The following SNX29 variants were observed in gnomAD, a reference collection of about 807,000 sequenced individuals.
SNX29 encodes the protein sorting nexin 29.
A neutral mutation model predicts 102.1 loss-of-function variants in SNX29; 78 were observed. The ratio of observed to expected loss-of-function variants is 0.76; its 90% CI spans 0.64 to 0.92. The LOEUF (loss-of-function observed/expected upper bound fraction) is 0.92. SNX29 is among the 40% of genes least tolerant of loss of function. The probability of loss-of-function intolerance (pLI) is 0.00; values close to 1 mark genes in which losing one functional copy is unlikely to be tolerated. For synonymous variants in SNX29, 580 were observed against 414.5 expected (o/e 1.40, Z -4.85); for missense variants, 1,280 against 1,061.7 (o/e 1.21, Z -2.86).
intron 15 of SNX29, among the ~76,000 whole-genome samples, chr16:12,343,407 G>T (rs2081674132): frequency 6.6e-6 from 1 of 152,222 alleles, no homozygotes; most frequent in Non-Finnish European, 1.5e-5. Context: ...CCCTGTGCCA[G>T]GCTGGCTGCT....
chr16:12,497,402 AG>A (rs2088884520), intron 19 of SNX29, among the ~76,000 whole-genome samples: 1 of 152,124 alleles, frequency 6.6e-6, no homozygotes, highest in Non-Finnish European at 1.5e-5. Context: ...AGTGCTATGG[AG>A]GAGGTTAAAT....
chr16:12,128,871 C>T (rs2054334991), intron 12 of SNX29, among the ~76,000 whole-genome samples: 1 of 152,178 alleles, frequency 6.6e-6, no homozygotes, highest in African/African-American at 2.4e-5. Flanking sequence ...AAATGGTTAG[C>T]AGCACCATGG....
intron 4 of SNX29, among the ~76,000 whole-genome samples, chr16:12,041,645 A>C (rs1596669830): frequency 6.6e-6 from 1 of 152,042 alleles, no homozygotes; most frequent in East Asian, 1.9e-4. Flanking sequence ...TGGCTGCCCC[A>C]TTCTAGTCTT....
rs16953061 is a variant in SNX29 at position 12,321,349 on chromosome 16, C to T, written c.1783-34814C>T. On this transcript the variant is annotated intron_variant, in intron 15 of 20. Transcript: ENST00000566228. Reference sequence around the variant, plus strand: ...TCCTGGAGGAATGACTTCCCAAACCCAGTCCGACCTAGCTAGAGAAAAACA... The same window carrying T: ...TCCTGGAGGAATGACTTCCCAAACCTAGTCCGACCTAGCTAGAGAAAAACA... Among the ~76,000 whole-genome samples the T allele has an allele frequency of 7.6e-4, 116 of 152,316 alleles. 2 individuals carry two copies. The East Asian group carries it at 0.021, about 28-fold the overall frequency.
chr16:12,457,844 G>T lies in SNX29; in HGVS notation c.2038-19875G>T, dbSNP rs146295425. Reference sequence around the variant, plus strand: ...ACATTGGGTAAATTAACTGTATTACGATGTTTGTGGTCTGCATACGGGTGC... The same window carrying T: ...ACATTGGGTAAATTAACTGTATTACTATGTTTGTGGTCTGCATACGGGTGC... On this transcript the variant is annotated intron_variant, in intron 18 of 20. Coordinates refer to ENST00000566228, the MANE Select transcript of SNX29 (RefSeq NM_032167.5). 6.0e-3 allele frequency among the ~76,000 whole-genome samples: 919 copies of T among 152,296 alleles called. 16 individuals are homozygous for T. The highest frequency in any genetic ancestry group is 0.022 in the African/African-American group (905 of 41,564).
chr16:12,310,576 G>A (rs2080505678), intron 15 of SNX29, among the ~76,000 whole-genome samples: 1 of 152,132 alleles, frequency 6.6e-6, no homozygotes. Flanking sequence ...AGAAAACTCT[G>A]GAAAATGCAA....
intron 18 of SNX29, chr16:12,443,057 G>A (rs765544086): frequency 1.1e-5 from 5 of 455,806 alleles, no homozygotes; most frequent in Non-Finnish European, 2.2e-5. Flanking sequence ...CAGCAGGCCA[G>A]GCGTCCAGCC....
chr16:12,089,112 GAGAGAGAGAGAGAAA>G (rs2052368491), intron 11 of SNX29, among the ~76,000 whole-genome samples: 2 of 89,522 alleles, frequency 2.2e-5, no homozygotes, highest in Admixed American at 2.5e-4. Context: ...AGAGAGGAGA[GAGAGAGAGAGAGAAA>G]AGAGAGAGAG....
At chr16:12,457,519 A>G (rs893421093) in intron 18 of SNX29, among the ~76,000 whole-genome samples, 20 of 152,262 alleles carry the variant, frequency 1.3e-4, no homozygotes, top group African/African-American at 4.3e-4. Context: ...CTCTTTCTCT[A>G]CTGCTTCAGG....
At chr16:12,508,600 T>G (rs1208840413) in intron 19 of SNX29, among the ~76,000 whole-genome samples, 1 of 152,238 alleles carries the variant, frequency 6.6e-6, no homozygotes, top group Admixed American at 6.5e-5. Flanking sequence ...CCCTGCGAGC[T>G]CCTGCTCTCA....
chr16:12,002,587 C>T (rs1379724465), intron 2 of SNX29, among the ~76,000 whole-genome samples: 6 of 152,294 alleles, frequency 3.9e-5, no homozygotes, highest in African/African-American at 9.6e-5. Flanking sequence ...CTCTGGGGCT[C>T]GTCCAAAGGG....
chr16:12,377,562 C>G (rs1411288906), intron 16 of SNX29, among the ~76,000 whole-genome samples: 1 of 152,180 alleles, frequency 6.6e-6, no homozygotes, highest in African/African-American at 2.4e-5. Flanking sequence ...TGTGAGCGGT[C>G]TTGATCACTC....
At chr16:12,219,068 C>A (rs2077405094) in intron 14 of SNX29, among the ~76,000 whole-genome samples, 2 of 152,186 alleles carry the variant, frequency 1.3e-5, no homozygotes, top group African/African-American at 4.8e-5. Flanking sequence ...GCCACCGCGC[C>A]TGGCCCTGTT....
chr16:12,532,405 A>C (rs1404258195), intron 20 of SNX29, among the ~76,000 whole-genome samples: 1 of 152,184 alleles, frequency 6.6e-6, no homozygotes, highest in African/African-American at 2.4e-5. Context: ...CAGCGTTTGT[A>C]TATTCATTCT....
chr16:12,274,128 G>C (rs2079173118), intron 14 of SNX29, among the ~76,000 whole-genome samples: 2 of 152,172 alleles, frequency 1.3e-5, no homozygotes, highest in Non-Finnish European at 2.9e-5. Context: ...TAAAGTTTCT[G>C]CACGGTCACA....
intron 11 of SNX29, among the ~76,000 whole-genome samples, chr16:12,080,077 A>G (rs1440096204): frequency 6.6e-6 from 1 of 152,178 alleles, no homozygotes; most frequent in Non-Finnish European, 1.5e-5. Context: ...TTATTCCTAG[A>G]TTACAAAATG....
chr16:12,030,498 C>G (rs369492446), intron 4 of SNX29, among the ~76,000 whole-genome samples: 3 of 152,192 alleles, frequency 2.0e-5, no homozygotes, highest in Non-Finnish European at 2.9e-5. Context: ...TGCCCCAAAA[C>G]CAGTCCCACA....
chr16:12,495,367 C>T (rs971918541), intron 19 of SNX29, among the ~76,000 whole-genome samples: 12 of 151,918 alleles, frequency 7.9e-5, no homozygotes, highest in Non-Finnish European at 1.6e-4. Flanking sequence ...GTCCAGGTCT[C>T]GAACTCCTGA....
At chr16:12,006,841 A>G (rs1346995704) in intron 3 of SNX29, among the ~76,000 whole-genome samples, 1 of 152,088 alleles carries the variant, frequency 6.6e-6, no homozygotes, top group East Asian at 1.9e-4. Flanking sequence ...CTGGTCTCAA[A>G]CTTGTGGACT....
Sources: gnomAD v4.1 joint callset for allele counts (sites outside exome capture counted in the v4.1 genomes callset) on GRCh38, gnomAD v4.1.1 for gene constraint, MANE v1.5 for transcripts, NCBI Gene and HGNC (gene_info 2026-07-23, HGNC 2026-07-21) for gene names.